The following ERBIN variants were observed in gnomAD, a reference collection of about 807,000 sequenced individuals.
ERBIN encodes erbb2 interacting protein.
A neutral mutation model predicts 158.4 loss-of-function variants in ERBIN; 60 were observed. The ratio of observed to expected loss-of-function variants is 0.38; its 90% CI spans 0.31 to 0.47. The LOEUF is 0.47. Ranked by LOEUF, ERBIN falls within the 20% of genes least tolerant of loss-of-function variation. The probability of loss-of-function intolerance (pLI) is 0.99; values close to 1 mark genes in which losing one functional copy is unlikely to be tolerated. For synonymous variants in ERBIN, 594 were observed against 557.2 expected (o/e 1.07, Z -0.93); for missense variants, 1,610 against 1,648.0 (o/e 0.98, Z 0.40).
intron 1 of ERBIN, among the ~76,000 whole-genome samples, chr5:65,955,712 A>AG (rs574038511): frequency 3.5e-4 from 53 of 152,352 alleles, no homozygotes; most frequent in South Asian, 2.9e-3. Context: ...GGCTGTCTTC[A>AG]GGTCAGTAAG....
chr5:65,938,119 A>G (rs930489576), intron 1 of ERBIN, among the ~76,000 whole-genome samples: 2 of 152,042 alleles, frequency 1.3e-5, no homozygotes, highest in African/African-American at 4.8e-5. Context: ...CATATTTGTT[A>G]TTTTTAAGAA....
chr5:66,064,662 TGATAAG>T (rs1459448209), intron 21 of ERBIN, among the ~76,000 whole-genome samples: 1 of 152,174 alleles, frequency 6.6e-6, no homozygotes, highest in African/African-American at 2.4e-5. Flanking sequence ...CAGGATGAAT[TGATAAG>T]AAGTAGCTTA....
rs1237435953 is a variant in ERBIN at position 66,078,896 on chromosome 5, A to T, written c.*366A>T. The T allele has an allele frequency of 5.4e-6, 1 of 185,256 alleles. No homozygotes were observed. The highest frequency in any genetic ancestry group is 2.4e-5 in the African/African-American group (1 of 41,940). The allele number at this position is 185,256 out of a possible 1,614,324, so 11.5% of individuals were successfully genotyped here. ...TGATTTTAGCCCAGAGACAGATGGC[A>T]GAGCTATCTCTCTCATAGCTTTTAT... On this transcript the variant is annotated 3_prime_UTR_variant, in exon 26 of 26. Coordinates refer to ENST00000284037, the MANE Select transcript of ERBIN (RefSeq NM_001253697.2).
At chr5:65,965,653 G>C (rs773189045) in intron 1 of ERBIN, among the ~76,000 whole-genome samples, 1 of 151,958 alleles carries the variant, frequency 6.6e-6, no homozygotes, top group Non-Finnish European at 1.5e-5. Context: ...TCGGCCTCCC[G>C]AAGTGCTGGG....
Position 66,050,919 on chromosome 5 carries a change from C to G in ERBIN, c.2040C>G (p.Leu680=), listed in dbSNP as rs1758956027. Residue 680 remains leucine, a synonymous_variant, in exon 20 of 26, where the codon CTC becomes CTG. Transcript: ENST00000284037. The stretch of plus-strand genomic sequence containing the variant: ...CTGATAGTAGTCAAGACACCTCACT[C>G]TGCTCTCCAGTGAAACAAACTCATA... ...LNTDSSQDTS[L]CSPVKQTHID... The G allele has an allele frequency of 1.9e-6, 3 of 1,606,048 alleles. No homozygotes were observed. The African/African-American group carries it at 4.0e-5, about 22-fold the overall frequency.
rs706679 is a variant in ERBIN at position 66,021,353 on chromosome 5, C to A, written c.565C>A (p.Leu189Met). The A allele has an allele frequency of 6.2e-7, 1 of 1,602,814 alleles. No homozygotes were observed. The change falls in exon 8 of 26, where the codon CTG (leucine) becomes ATG (methionine). Residue 189 changes from leucine (L) to methionine (M), a missense_variant. Around this residue, in one of 2 missense-constraint regions of ERBIN, gnomAD observed 596 missense variants for 711.9 expected, o/e 0.84. Transcript: ENST00000284037. ...TMNRLTQLERLDLGSNEFTEV... is the reference protein window; with the variant it reads ...TMNRLTQLERMDLGSNEFTEV... ...GAATAGACTGACCCAGCTGGAAAGA[C>A]TGGATTTGGGAAGTAACGAATTCAC...
chr5:65,939,252 T>A (rs1744470696), intron 1 of ERBIN, among the ~76,000 whole-genome samples: 1 of 151,996 alleles, frequency 6.6e-6, no homozygotes, highest in African/African-American at 2.4e-5. Flanking sequence ...GCCTGACCAG[T>A]ATGGTGAAAT....
chr5:65,940,685 A>G (rs1314111000), intron 1 of ERBIN, among the ~76,000 whole-genome samples: 2 of 117,102 alleles, frequency 1.7e-5, no homozygotes, highest in Non-Finnish European at 3.6e-5. Flanking sequence ...CCGGTCCGGG[A>G]GGGAGGTGGG....
Position 65,941,289 on chromosome 5 carries a change from T to C in ERBIN, c.-58+14483T>C, listed in dbSNP as rs548486287. On this transcript the variant is annotated intron_variant, in intron 1 of 25. Coordinates refer to ENST00000284037, the MANE Select transcript of ERBIN (RefSeq NM_001253697.2). ...TATGACCCTGCCAAATCCTCCTCTG[T>C]GAGAAACACCCAAGAATGATCAATA... is the stretch of plus-strand genomic sequence containing the variant. 2.1e-3 allele frequency among the ~76,000 whole-genome samples: 300 copies of C among 139,606 alleles called. 2 individuals carry two copies. The highest frequency in any genetic ancestry group is 8.0e-3 in the African/African-American group (294 of 36,870). 91.6% of individuals were successfully genotyped at this position (139,606 alleles called of 152,430 possible). A position where few individuals can be genotyped will look rare whatever the true frequency, so the allele number is the denominator to read the frequency against.
intron 7 of ERBIN, among the ~76,000 whole-genome samples, chr5:66,016,615 CTTTT>C (rs11323656): frequency 2.4e-5 from 3 of 124,188 alleles, no homozygotes; most frequent in Admixed American, 1.6e-4. Context: ...TTCATGAGAT[CTTTT>C]TTTTTTTTTT....
intron 1 of ERBIN, among the ~76,000 whole-genome samples, chr5:65,977,469 C>T (rs1333828794): frequency 4.6e-5 from 7 of 151,260 alleles, no homozygotes; most frequent in African/African-American, 1.7e-4. Flanking sequence ...AGGGTCTCCT[C>T]ACTTCTCAGA....
chr5:65,946,151 A>G (rs1051442765), intron 1 of ERBIN, among the ~76,000 whole-genome samples: 43 of 151,952 alleles, frequency 2.8e-4, no homozygotes, highest in African/African-American at 9.7e-4. Flanking sequence ...GCTCACTTGA[A>G]CTCAAGAGTT....
In ERBIN at chr5:65,968,335, A is replaced by C. The variant is rs187195612; in HGVS notation, c.-57-20300A>C. 2.1e-3 allele frequency among the ~76,000 whole-genome samples: 325 copies of C among 152,272 alleles called. 1 individual carries two copies. The highest frequency in any genetic ancestry group is 7.7e-3 in the African/African-American group (319 of 41,548). ...AAAAAGTCACTGTTTCTTCAACTGA[A>C]TATCAAATAAGATATATTTGGCTTG... On this transcript the variant is annotated intron_variant, in intron 1 of 25. Transcript: ENST00000284037.
At chr5:65,957,709 C>T (rs1017334443) in intron 1 of ERBIN, among the ~76,000 whole-genome samples, 7 of 152,240 alleles carry the variant, frequency 4.6e-5, no homozygotes, top group Admixed American at 2.6e-4. Context: ...CATCATGGCC[C>T]GTTCTCAATG....
chr5:65,965,388 T>G (rs1441649765), intron 1 of ERBIN, among the ~76,000 whole-genome samples: 4 of 5,198 alleles, frequency 7.7e-4, no homozygotes, highest in East Asian at 4.2e-3. Context: ...TGTTGTTTTT[T>G]TTTTTTTTTT....
Position 66,045,156 on chromosome 5 carries a change from C to G in ERBIN, c.1602+846C>G, listed in dbSNP as rs538734929. Among the ~76,000 whole-genome samples the G allele has an allele frequency of 3.3e-5, 5 of 151,940 alleles. No homozygotes were observed. The South Asian group carries it at 1.0e-3, about 32-fold the overall frequency. On this transcript the variant is annotated intron_variant, in intron 17 of 25. Coordinates refer to ENST00000284037, the MANE Select transcript of ERBIN (RefSeq NM_001253697.2). ...ATCCCTTGAGCCTAGGAGTTCAAGG[C>G]TGCAGTGAGCTATGATCATGCCACA...
chr5:65,940,389 G>C (rs1367034700), intron 1 of ERBIN, among the ~76,000 whole-genome samples: 2 of 145,136 alleles, frequency 1.4e-5, no homozygotes, highest in Non-Finnish European at 3.0e-5. Context: ...ATCTCCGCCC[G>C]GCAGCCACCT....
chr5:66,036,246 C>G (rs1454945310), intron 14 of ERBIN, among the ~76,000 whole-genome samples: 1 of 152,136 alleles, frequency 6.6e-6, no homozygotes, highest in Non-Finnish European at 1.5e-5. Flanking sequence ...CCCTTATTAC[C>G]CATTCTGAAC....
rs117644170 is a variant in ERBIN, at chr5:66,065,959, T to A, written c.3634-6210T>A. Among the ~76,000 whole-genome samples, 27 of 152,238 alleles carry A rather than the reference T, an allele frequency of 1.8e-4. No individual in the cohort carries two copies. The East Asian group carries it at 5.2e-3, about 29-fold the overall frequency. On this transcript the variant is annotated intron_variant, in intron 21 of 25. Coordinates refer to ENST00000284037, the MANE Select transcript of ERBIN (RefSeq NM_001253697.2). ...ACCAGCCTCCTAAAAATAATTTTATTCAGTAAAAATAATCCTTAATATTGA... is the reference window on the plus strand; with the variant it reads ...ACCAGCCTCCTAAAAATAATTTTATACAGTAAAAATAATCCTTAATATTGA...
Sources: allele counts gnomAD v4.1 joint callset (sites outside exome capture counted in the v4.1 genomes callset), GRCh38; gene constraint gnomAD v4.1.1; regional missense constraint gnomAD v4.1.1; transcripts MANE v1.5; gene names NCBI Gene and HGNC (gene_info 2026-07-23, HGNC 2026-07-21).